The following C8orf34 variants were observed in gnomAD, a reference collection of about 807,000 sequenced individuals.
The protein encoded by C8orf34 is uncharacterized protein C8orf34.
C8orf34 carries 65 observed loss-of-function variants against 68.3 expected under a neutral mutation model. The observed-to-expected ratio is 0.95, with a 90% CI of 0.78 to 1.17. The LOEUF (loss-of-function observed/expected upper bound fraction) is 1.17, where lower values mean the gene tolerates loss of function less well. Among genes scored for constraint, C8orf34 ranks in the 50% most tolerant of loss-of-function variants. The pLI is 0.00. For synonymous variants in C8orf34, 244 were observed against 241.2 expected (o/e 1.01, Z -0.11); for missense variants, 664 against 655.4 (o/e 1.01, Z -0.14).
chr8:68,736,830 C>A (rs1038158144), intron 10 of C8orf34, among the ~76,000 whole-genome samples: 5 of 152,032 alleles, frequency 3.3e-5, no homozygotes, highest in African/African-American at 9.7e-5. Flanking sequence ...CATTATAGTT[C>A]TTTTAACTGC....
intron 4 of C8orf34, among the ~76,000 whole-genome samples, chr8:68,479,069 G>A (rs1812744916): frequency 6.6e-6 from 1 of 152,142 alleles, no homozygotes; most frequent in African/African-American, 2.4e-5. Context: ...TATAAAGGGT[G>A]TATATTTGCA....
At chr8:68,649,832 G>A (rs1819290690) in intron 8 of C8orf34, among the ~76,000 whole-genome samples, 1 of 151,988 alleles carries the variant, frequency 6.6e-6, no homozygotes, top group South Asian at 2.1e-4. Context: ...CTTGGCCACT[G>A]TACAACGTAT....
intron 7 of C8orf34, among the ~76,000 whole-genome samples, chr8:68,576,167 C>A (rs949647747): frequency 6.6e-6 from 1 of 151,448 alleles, no homozygotes; most frequent in African/African-American, 2.4e-5. Flanking sequence ...CACATACACA[C>A]CCACACAAAC....
At chr8:68,665,629 G>T (rs1489096666) in intron 8 of C8orf34, among the ~76,000 whole-genome samples, 1 of 152,114 alleles carries the variant, frequency 6.6e-6, no homozygotes, top group African/African-American at 2.4e-5. Flanking sequence ...CCTCTAACAT[G>T]TCAACTAGAT....
intron 10 of C8orf34, among the ~76,000 whole-genome samples, chr8:68,752,776 G>A (rs923378050): frequency 4.6e-5 from 7 of 152,012 alleles, no homozygotes; most frequent in African/African-American, 1.7e-4. Flanking sequence ...ATTAATGTGG[G>A]GAATTTTTCT....
At chr8:68,637,299 G>A (rs1326359504) in intron 7 of C8orf34, among the ~76,000 whole-genome samples, 1 of 152,050 alleles carries the variant, frequency 6.6e-6, no homozygotes, top group Non-Finnish European at 1.5e-5. Flanking sequence ...TGCTTTGGTT[G>A]TTTGTATAAA....
At chr8:68,364,752 A>G (rs1209096905) in intron 1 of C8orf34, among the ~76,000 whole-genome samples, 7 of 143,082 alleles carry the variant, frequency 4.9e-5, no homozygotes, top group Non-Finnish European at 9.2e-5. Context: ...AGCAGTGTGT[A>G]GAGGGAAATT....
At chr8:68,459,074 G>A (rs960170522) in intron 3 of C8orf34, among the ~76,000 whole-genome samples, 3 of 152,072 alleles carry the variant, frequency 2.0e-5, no homozygotes, top group Non-Finnish European at 4.4e-5. Flanking sequence ...TGGATGGGTT[G>A]GTTTGCTGTA....
chr8:68,803,099 G>T (rs751494224), intron 12 of C8orf34, among the ~76,000 whole-genome samples: 1 of 151,988 alleles, frequency 6.6e-6, no homozygotes, highest in Non-Finnish European at 1.5e-5. Flanking sequence ...CTAATATTAT[G>T]CAAACACTTC....
At chr8:68,771,692 C>T (rs561271675) in intron 10 of C8orf34, among the ~76,000 whole-genome samples, 23 of 152,090 alleles carry the variant, frequency 1.5e-4, no homozygotes, top group African/African-American at 5.1e-4. Context: ...TGCTCAAGCA[C>T]TATTCTTTCC....
chr8:68,432,887 A>G (rs1002952154), intron 1 of C8orf34, among the ~76,000 whole-genome samples: 7 of 152,196 alleles, frequency 4.6e-5, no homozygotes, highest in African/African-American at 1.7e-4. Context: ...CAGGAAAAAC[A>G]TGCTTACCAT....
intron 1 of C8orf34, among the ~76,000 whole-genome samples, chr8:68,406,410 G>A (rs1015166223): frequency 3.9e-5 from 6 of 152,054 alleles, no homozygotes; most frequent in Admixed American, 3.3e-4. Flanking sequence ...TCCTAAGAGT[G>A]TGTTGGGTGA....
intron 7 of C8orf34, among the ~76,000 whole-genome samples, chr8:68,610,751 G>C (rs899087312): frequency 2.8e-4 from 42 of 151,680 alleles, no homozygotes; most frequent in African/African-American, 9.9e-4. Context: ...ACTAATGAGG[G>C]AATGTTAGTG....
intron 10 of C8orf34, among the ~76,000 whole-genome samples, chr8:68,737,500 C>A (rs1034993089): frequency 4.4e-4 from 67 of 152,056 alleles, no homozygotes; most frequent in African/African-American, 1.6e-3. Context: ...AACCAAGGCC[C>A]ATTGGTATGC....
chr8:68,494,588 G>A (rs1021680329), intron 5 of C8orf34, among the ~76,000 whole-genome samples: 2 of 152,224 alleles, frequency 1.3e-5, no homozygotes, highest in Non-Finnish European at 1.5e-5. Context: ...GGGTGCAGTC[G>A]CTCACGCCTG....
chr8:68,519,014 A>G (rs910072716), intron 5 of C8orf34, among the ~76,000 whole-genome samples: 3 of 152,118 alleles, frequency 2.0e-5, no homozygotes, highest in Admixed American at 6.5e-5. Context: ...CATACATTGT[A>G]CGATGATAAA....
At position 68,626,789 on chromosome 8, in the gene C8orf34, TA is replaced by T. The variant is rs538994607; in HGVS notation, c.1106-13582del. ...TAGGGTCAGCAATTAGTTTAGAAAC[TA>T]AAAAGAATAAATATGTTTGATGTAT... On this transcript the variant is annotated intron_variant, in intron 7 of 13. Coordinates refer to ENST00000518698, the MANE Select transcript of C8orf34 (RefSeq NM_052958.4). Among the ~76,000 whole-genome samples, 250 of 152,202 alleles carry T rather than the reference TA, an allele frequency of 1.6e-3. 2 individuals carry two copies. The highest frequency in any genetic ancestry group is 3.4e-3 in the Middle Eastern group (1 of 292).
intron 10 of C8orf34, among the ~76,000 whole-genome samples, chr8:68,775,694 G>A (rs780130337): frequency 1.3e-5 from 2 of 152,104 alleles, no homozygotes; most frequent in African/African-American, 4.8e-5. Context: ...TAGAATTTGC[G>A]ACTTCTTTCC....
intron 7 of C8orf34, among the ~76,000 whole-genome samples, chr8:68,550,870 C>A (rs1232463367): frequency 6.6e-6 from 1 of 151,360 alleles, no homozygotes; most frequent in Non-Finnish European, 1.5e-5. Flanking sequence ...CTTATGTTTC[C>A]TCCCTAATGG....
Sources: gnomAD v4.1 joint callset for allele counts (sites outside exome capture counted in the v4.1 genomes callset) on GRCh38, gnomAD v4.1.1 for gene constraint, MANE v1.5 for transcripts, NCBI Gene and HGNC (gene_info 2026-07-23, HGNC 2026-07-21) for gene names.